Variants in ZNF444 observed in about 807,000 individuals in gnomAD.
ZNF444 encodes the protein zinc finger protein 444.
A neutral mutation model predicts 14.4 loss-of-function variants in ZNF444; 8 were observed. That is an observed-to-expected ratio of 0.56 (90% CI 0.33 to 1.00). ZNF444 has a LOEUF of 1.00. Among genes scored for constraint, ZNF444 ranks in the 50% least tolerant of loss-of-function variants. The pLI is 0.03. For synonymous variants in ZNF444, 258 were observed against 235.9 expected (o/e 1.09, Z -0.86); for missense variants, 510 against 504.8 (o/e 1.01, Z -0.10).
chr19:56,143,745 C>G lies in ZNF444; in HGVS notation c.-197+2388C>G, dbSNP rs1341281941. Reference sequence around the variant, plus strand: ...CCACATGAATTGTAGTGAAGAAAGTCAGCACACAGATATCGTAACACTAGA... The same window carrying G: ...CCACATGAATTGTAGTGAAGAAAGTGAGCACACAGATATCGTAACACTAGA... On this transcript the variant is annotated intron_variant, in intron 1 of 4. Coordinates refer to ENST00000337080, the MANE Select transcript of ZNF444 (RefSeq NM_018337.4). 2.6e-5 allele frequency among the ~76,000 whole-genome samples: 4 copies of G among 152,132 alleles called. No individual in the cohort carries two copies. In the East Asian group the frequency reaches 7.7e-4, roughly 29 times the overall value.
chr19:56,153,590 C>T (rs942048892), intron 3 of ZNF444, among the ~76,000 whole-genome samples: 8 of 152,158 alleles, frequency 5.3e-5, no homozygotes, highest in Non-Finnish European at 8.8e-5. Flanking sequence ...CTGATCTGTC[C>T]AGAAAGATCG....
At chr19:56,142,404 G>A (rs937430170) in intron 1 of ZNF444, 2 of 152,190 alleles carry the variant, frequency 1.3e-5, no homozygotes, top group African/African-American at 4.8e-5. Context: ...TTTGTCCAGT[G>A]GGCCAGCGGC....
rs533814395 is a variant in ZNF444, at chr19:56,133,498, G to A, written c.-197+720G>A. The stretch of plus-strand genomic sequence containing the variant: ...AAGTACACCTGCTCCACTGAGCCTC[G>A]ATTATCCCAACCGTAAAATGGGGTG... On this transcript the variant is annotated intron_variant, in intron 1 of 2. Transcript: ENST00000587467. Among the ~76,000 whole-genome samples, 5 of 152,054 alleles carry A rather than the reference G, an allele frequency of 3.3e-5. No individual in the cohort carries two copies. In the East Asian group the frequency reaches 5.9e-4, roughly 18 times the overall value.
At chr19:56,157,235 C>T (rs2031966883) in intron 3 of ZNF444, 2 of 152,358 alleles carry the variant, frequency 1.3e-5, no homozygotes, top group Admixed American at 1.3e-4. Context: ...TTGCGAGGCA[C>T]CTAGGATCTA....
In ZNF444 at chr19:56,160,322, C is replaced by A; in HGVS notation, c.*121C>A. 1.3e-6 allele frequency: 1 copy of A among 786,818 alleles called. No individual in the cohort carries two copies. Among genetic ancestry groups the A allele is most frequent in the Non-Finnish European group, 1.8e-6 (1 of 542,032 alleles). 48.7% of individuals were successfully genotyped at this position (786,818 alleles called of 1,614,324 possible). On this transcript the variant is annotated 3_prime_UTR_variant, in exon 5 of 5. Coordinates refer to ENST00000337080, the MANE Select transcript of ZNF444 (RefSeq NM_018337.4). ...CCCTCCCATCGTCCTCCTCCACCTG[C>A]GCCTCCCTTGTCTGAACTTCCCAAC...
At chr19:56,150,363 GA>G (rs1197563452) in intron 3 of ZNF444, 5 of 267,418 alleles carry the variant, frequency 1.9e-5, no homozygotes, top group African/African-American at 1.1e-4. Flanking sequence ...TAAAAGTCGG[GA>G]AATCACCAGG....
chr19:56,146,654 T>A (rs2031200722), intron 2 of ZNF444, among the ~76,000 whole-genome samples: 1 of 152,108 alleles, frequency 6.6e-6, no homozygotes, highest in Non-Finnish European at 1.5e-5. Flanking sequence ...GCAGGCGTGG[T>A]GGCGGATGCC....
chr19:56,135,938 C>T (rs938447994), intron 1 of ZNF444, among the ~76,000 whole-genome samples: 42 of 151,406 alleles, frequency 2.8e-4, no homozygotes, highest in Admixed American at 2.4e-3. Context: ...AAATATTAGC[C>T]GGGTGTGGTG....
chr19:56,135,334 ATG>A (rs752684897), intron 1 of ZNF444, among the ~76,000 whole-genome samples: 73 of 152,294 alleles, frequency 4.8e-4, no homozygotes, highest in Admixed American at 1.8e-3. Flanking sequence ...GGCCCCGGAT[ATG>A]TGTGACTTGC....
intron 4 of ZNF444, 45 bp downstream of exon 4, chr19:56,158,647 C>A: frequency 6.6e-7 from 1 of 1,507,066 alleles, no homozygotes; most frequent in Non-Finnish European, 9.0e-7. Flanking sequence ...CCCCCAGCAC[C>A]GGGGAGGGGG....
chr19:56,150,366 A>G (rs959382087), intron 3 of ZNF444: 8 of 267,858 alleles, frequency 3.0e-5, no homozygotes, highest in African/African-American at 1.8e-4. Context: ...AAGTCGGGAA[A>G]TCACCAGGCT....
chr19:56,147,051 A>T lies in ZNF444; in HGVS notation c.140A>T (p.Asp47Val). Residue 47 changes from aspartate to valine, a missense_variant, in exon 3 of 5, where the codon GAC becomes GTC. Coordinates refer to ENST00000337080, the MANE Select transcript of ZNF444 (RefSeq NM_018337.4). This position sits in a 1 kb window ranked among gnomAD's most constrained non-coding sequence, Gnocchi z 5.9. ...ALGLLRALCR[D>V]WLRPEVHTKE... The stretch of plus-strand genomic sequence containing the variant: ...GGGCTGCTCCGCGCCCTGTGCCGGG[A>T]CTGGCTGCGGCCCGAGGTGCACACC... 6.4e-7 allele frequency: 1 copy of T among 1,564,284 alleles called. No homozygotes were observed. The highest frequency in any genetic ancestry group is 1.9e-5 in the Admixed American group (1 of 53,690).
intron 3 of ZNF444, chr19:56,155,733 T>TACTCAAAG: frequency 6.6e-6 from 1 of 152,386 alleles, no homozygotes; most frequent in South Asian, 2.1e-4. Flanking sequence ...GGAAAAAACG[T>TACTCAAAG]ACTCAAAGTA....
rs1392158518 is a variant in ZNF444 at position 56,149,317 on chromosome 19, TC to T, written c.297+2114del. Among the ~76,000 whole-genome samples, 153 of 109,112 alleles carry T rather than the reference TC, an allele frequency of 1.4e-3. 3 individuals carry two copies. Among genetic ancestry groups the T allele is most frequent in the Admixed American group, 2.1e-3 (23 of 10,746 alleles). 71.6% of individuals were successfully genotyped at this position (109,112 alleles called of 152,430 possible). A position where few individuals can be genotyped will look rare whatever the true frequency, so the allele number is the denominator to read the frequency against. ...CCTCCGACCTTGACCTCTGCTTCCA[TC>T]CCCCATCACTCCTCTGACCTTGACC... On this transcript the variant is annotated intron_variant, in intron 3 of 4. Coordinates refer to ENST00000337080, the MANE Select transcript of ZNF444 (RefSeq NM_018337.4).
At chr19:56,142,451 G>A (rs376212998) in intron 1 of ZNF444, 2 of 152,324 alleles carry the variant, frequency 1.3e-5, no homozygotes, top group East Asian at 3.9e-4. Context: ...CAGGGGACAT[G>A]TGGCAATGTC....
At chr19:56,137,951 G>A (rs1049337005), upstream of ZNF444, among the ~76,000 whole-genome samples, 1 of 151,924 alleles carries the variant, frequency 6.6e-6, no homozygotes, top group Admixed American at 6.5e-5. Flanking sequence ...GTGAAACCCC[G>A]TCTCTATTAA....
At chr19:56,136,116 A>G (rs1310382131) in intron 1 of ZNF444, among the ~76,000 whole-genome samples, 4 of 149,520 alleles carry the variant, frequency 2.7e-5, no homozygotes, top group Non-Finnish European at 5.9e-5. Flanking sequence ...AAAAAAAAGG[A>G]CCCGCTCCTT....
chr19:56,132,886 A>G (rs1285715619), intron 1 of ZNF444: 1 of 150,270 alleles, frequency 6.7e-6, no homozygotes, highest in African/African-American at 2.5e-5. Context: ...AGCTGGGTGG[A>G]CACCTCAGAA....
chr19:56,135,579 G>T (rs2030591732), intron 1 of ZNF444, among the ~76,000 whole-genome samples: 1 of 152,192 alleles, frequency 6.6e-6, no homozygotes. Flanking sequence ...GCCACAGCTT[G>T]AAGTGTCACC....
Sources: allele counts gnomAD v4.1 joint callset (sites outside exome capture counted in the v4.1 genomes callset), GRCh38; gene constraint gnomAD v4.1.1; non-coding constraint Gnocchi (gnomAD v3.1); transcripts MANE v1.5; gene names NCBI Gene and HGNC (gene_info 2026-07-23, HGNC 2026-07-21).